KLRG1: variants seen among roughly 807,000 people sequenced by gnomAD.
KLRG1 encodes the protein killer cell lectin-like receptor subfamily G member 1.
KLRG1 carries 16 observed loss-of-function variants against 21.8 expected under a neutral mutation model. The ratio of observed to expected loss-of-function variants is 0.73; its 90% CI spans 0.50 to 1.11. KLRG1 has a LOEUF of 1.11. Among genes scored for constraint, KLRG1 ranks in the 50% most tolerant of loss-of-function variants. The pLI is 0.00. For missense variants in KLRG1, 173 were observed against 218.3 expected, an observed-to-expected ratio of 0.79 and a Z score of 1.31; for synonymous variants, 69 against 75.9, an observed-to-expected ratio of 0.91 and a Z score of 0.47.
At chr12:9,095,184 T>A in the KLRG1 span, 1 of 603,692 alleles carries the variant, frequency 1.7e-6, no homozygotes. Context: ...CCAGTTAACT[T>A]AAATTAAACT....
At chr12:9,122,472 TTTAC>T in the KLRG1 span, among the ~76,000 whole-genome samples, 1 of 152,170 alleles carries the variant, frequency 6.6e-6, no homozygotes, top group Non-Finnish European at 1.5e-5. Context: ...GTTTGCCAAC[TTTAC>T]TTAATTACTC....
the KLRG1 span, chr12:9,112,796 T>C: frequency 2.4e-5 from 11 of 454,152 alleles, no homozygotes; most frequent in African/African-American, 1.6e-4. Context: ...AGAAACAGTC[T>C]TGATTCAATT....
the KLRG1 span, among the ~76,000 whole-genome samples, chr12:9,126,054 G>A: frequency 2.6e-5 from 4 of 152,148 alleles, no homozygotes; most frequent in East Asian, 1.9e-4. Context: ...TTATAAGTTC[G>A]TGTACTTTAT....
chr12:9,094,895 T>C, the KLRG1 span: 56 of 700,302 alleles, frequency 8.0e-5, no homozygotes, highest in Non-Finnish European at 1.1e-4. Context: ...TGTTAATTTT[T>C]GTCACATTGT....
chr12:9,140,466 A>C, the KLRG1 span, among the ~76,000 whole-genome samples: 1 of 152,228 alleles, frequency 6.6e-6, no homozygotes, highest in Non-Finnish European at 1.5e-5. Flanking sequence ...GGAAAGGGCC[A>C]CGTGTTATTT....
the KLRG1 span, chr12:9,106,587 A>C: frequency 6.3e-7 from 1 of 1,578,940 alleles, no homozygotes; most frequent in Non-Finnish European, 8.6e-7. Flanking sequence ...TGCTGATAGA[A>C]GCAGCCATGG....
chr12:9,091,369 T>C, the KLRG1 span: 4 of 1,614,190 alleles, frequency 2.5e-6, no homozygotes, highest in Non-Finnish European at 3.4e-6. Flanking sequence ...AGAAGGCCCC[T>C]GCCTTCCACT....
At chr12:9,110,368 A>G in the KLRG1 span, 1 of 1,284,874 alleles carries the variant, frequency 7.8e-7, no homozygotes, top group Non-Finnish European at 1.1e-6. Context: ...GTTTATAATT[A>G]TTTTCAAATA....
the KLRG1 span, among the ~76,000 whole-genome samples, chr12:9,142,596 A>G: frequency 1.3e-5 from 2 of 152,188 alleles, no homozygotes; most frequent in African/African-American, 4.8e-5. Context: ...AGGCCAGTCA[A>G]TTAGAGCTTT....
At chr12:9,027,664 TG>T in the KLRG1 span, 3 of 954,280 alleles carry the variant, frequency 3.1e-6, no homozygotes, top group East Asian at 2.4e-5. Context: ...CTTCCCTTCA[TG>T]GGTCCAAAAT....
the KLRG1 span, among the ~76,000 whole-genome samples, chr12:9,044,057 A>G: frequency 2.0e-5 from 3 of 152,232 alleles, no homozygotes; most frequent in South Asian, 2.1e-4. Context: ...ATGTCAACCC[A>G]TGAAACTGTG....
the KLRG1 span, chr12:9,208,411 T>C: frequency 1.6e-6 from 2 of 1,254,062 alleles, no homozygotes; most frequent in East Asian, 2.4e-5. Context: ...CCAGCTGAGT[T>C]TACCAGGCTT....
the KLRG1 span, among the ~76,000 whole-genome samples, chr12:9,179,500 G>A: frequency 6.6e-6 from 1 of 152,158 alleles, no homozygotes; most frequent in Non-Finnish European, 1.5e-5. Context: ...TTTAGTCTGT[G>A]AATCAACATT....
At chr12:9,201,212 G>A in the KLRG1 span, 2 of 1,327,980 alleles carry the variant, frequency 1.5e-6, no homozygotes, top group Non-Finnish European at 2.1e-6. Context: ...ACTGGGAGTA[G>A]GAGGAATTCA....
At chr12:9,169,870 C>A in the KLRG1 span, 2 of 252,126 alleles carry the variant, frequency 7.9e-6, no homozygotes, top group South Asian at 1.5e-4. Flanking sequence ...TAAAAATAGA[C>A]CAAATATAGA....
intron 1 of KLRG1, among the ~76,000 whole-genome samples, chr12:8,950,657 T>C (rs1429644787): frequency 3.3e-5 from 5 of 152,070 alleles, no homozygotes; most frequent in Non-Finnish European, 7.4e-5. Context: ...TTTTTGATTC[T>C]TACCCCTCTC....
the KLRG1 span, among the ~76,000 whole-genome samples, chr12:9,081,162 G>A: frequency 2.0e-5 from 3 of 152,032 alleles, no homozygotes; most frequent in African/African-American, 7.2e-5. Flanking sequence ...ATACAACTGA[G>A]TCAGAAAAAA....
the KLRG1 span, chr12:9,197,156 A>G: frequency 6.9e-7 from 1 of 1,452,506 alleles, no homozygotes; most frequent in Admixed American, 1.7e-5. Flanking sequence ...GGAATTGAGA[A>G]TGGCTGTTTG....
chr12:8,964,713 G>T (rs1254047088), intron 1 of KLRG1, among the ~76,000 whole-genome samples: 1 of 143,784 alleles, frequency 7.0e-6, no homozygotes, highest in East Asian at 2.0e-4. Flanking sequence ...TATGAATCTG[G>T]GTGCTCCTGT....
Sources: allele counts gnomAD v4.1 joint callset (sites outside exome capture counted in the v4.1 genomes callset), GRCh38; gene constraint gnomAD v4.1.1; transcripts MANE v1.5; gene names NCBI Gene and HGNC (gene_info 2026-07-23, HGNC 2026-07-21).